CCDC178: variants seen among roughly 807,000 people sequenced by gnomAD.
The protein encoded by CCDC178 is coiled-coil domain-containing protein 178.
In CCDC178, 126 loss-of-function variants were observed where a neutral mutation model predicts 117.4. That is an observed-to-expected ratio of 1.07 (90% CI 0.93 to 1.24). The LOEUF (loss-of-function observed/expected upper bound fraction) is 1.24. CCDC178 is among the 50% of genes most tolerant of loss of function. The pLI, the probability that CCDC178 is intolerant of heterozygous loss-of-function variation, is 0.00. For missense variants in CCDC178, 1,030 were observed against 986.9 expected (o/e 1.04, Z -0.59); for synonymous variants, 283 against 313.4 (o/e 0.90, Z 1.02).
At chr18:33,344,762 G>C (rs1357690839) in intron 9 of CCDC178, among the ~76,000 whole-genome samples, 1 of 135,382 alleles carries the variant, frequency 7.4e-6, no homozygotes. Context: ...AATTTCCCAG[G>C]GTGTCTTTTC....
intron 18 of CCDC178, among the ~76,000 whole-genome samples, chr18:33,218,947 T>C (rs1420189786): frequency 1.3e-5 from 2 of 152,174 alleles, no homozygotes; most frequent in African/African-American, 2.4e-5. Context: ...TCTTTTTTGG[T>C]TCCATATGAA....
chr18:33,009,192 A>T (rs1186081416), intron 21 of CCDC178, among the ~76,000 whole-genome samples: 1 of 152,050 alleles, frequency 6.6e-6, no homozygotes, highest in Non-Finnish European at 1.5e-5. Context: ...AAAATCTCTT[A>T]TCTGGATTAT....
chr18:32,945,724 G>T (rs1044327146), intron 22 of CCDC178, among the ~76,000 whole-genome samples: 7 of 151,938 alleles, frequency 4.6e-5, no homozygotes, highest in African/African-American at 1.2e-4. Flanking sequence ...ACAAATTTGG[G>T]TTTTTTTGGA....
chr18:33,271,879 TACA>T (rs371644154), intron 12 of CCDC178, among the ~76,000 whole-genome samples: 56 of 151,648 alleles, frequency 3.7e-4, no homozygotes, highest in African/African-American at 1.3e-3. Flanking sequence ...AGAATGAATG[TACA>T]ACATATTGAA....
intron 1 of CCDC178, 142 bp downstream of exon 1, chr18:33,440,511 C>T (rs2064369589): frequency 6.6e-6 from 1 of 151,860 alleles, no homozygotes; most frequent in Admixed American, 6.6e-5. Flanking sequence ...GACTCTAACT[C>T]CCTCAGGGTG....
chr18:33,235,999 T>C (rs544336042), intron 15 of CCDC178, among the ~76,000 whole-genome samples: 5 of 152,290 alleles, frequency 3.3e-5, no homozygotes, highest in African/African-American at 1.2e-4. Flanking sequence ...TTAGAGAAAG[T>C]GCTAGACATA....
intron 21 of CCDC178, among the ~76,000 whole-genome samples, chr18:33,086,738 T>C (rs1598868105): frequency 6.6e-6 from 1 of 152,236 alleles, no homozygotes; most frequent in African/African-American, 2.4e-5. Flanking sequence ...ATATGACATG[T>C]AAATTCTGTC....
chr18:33,215,550 T>C lies in CCDC178; in HGVS notation c.2078A>G (p.Lys693Arg), dbSNP rs548726292. The C allele has an allele frequency of 3.7e-5, 50 of 1,359,962 alleles. No homozygotes were observed. The Admixed American group carries it at 1.2e-3, about 33-fold the overall frequency. 84.2% of individuals were successfully genotyped at this position (1,359,962 alleles called of 1,614,324 possible). Residue 693 changes from lysine to arginine, a missense_variant and splice_region_variant, in exon 19 of 23, where the codon AAG becomes AGG. Physicochemically the swap from Lys to Arg is conservative, Grantham distance 26 (BLOSUM62 2). Coordinates refer to ENST00000383096, the MANE Select transcript of CCDC178 (RefSeq NM_001105528.4). ...KSFDQTLEIL[K>R]NKFITMRFKR... is the part of the protein sequence containing the mutation. ...ATTTTGATAAAGTTTAAGTACTTACTTTAATATTTCAAGTGTCTGATCAAA... is the reference window on the plus strand; with the variant it reads ...ATTTTGATAAAGTTTAAGTACTTACCTTAATATTTCAAGTGTCTGATCAAA...
chr18:33,419,017 A>T (rs928250434), intron 2 of CCDC178, among the ~76,000 whole-genome samples: 2 of 151,182 alleles, frequency 1.3e-5, no homozygotes, highest in Admixed American at 6.6e-5. Context: ...CCAAAAAAAT[A>T]AAAAAATCCC....
chr18:32,961,706 C>T (rs1032890238), intron 22 of CCDC178, among the ~76,000 whole-genome samples: 1 of 152,036 alleles, frequency 6.6e-6, no homozygotes. Context: ...TAATAGGATT[C>T]GTGCTCCTAT....
chr18:33,259,992 T>G (rs908434291), intron 14 of CCDC178, among the ~76,000 whole-genome samples: 4 of 152,056 alleles, frequency 2.6e-5, no homozygotes, highest in Non-Finnish European at 5.9e-5. Context: ...AATCAGAGTA[T>G]AGTTCAATGA....
chr18:33,033,499 C>T (rs1185160274), intron 21 of CCDC178, among the ~76,000 whole-genome samples: 1 of 152,050 alleles, frequency 6.6e-6, no homozygotes, highest in East Asian at 1.9e-4. Context: ...CCTCGCCTGT[C>T]TCCTTGAGGT....
chr18:33,238,752 G>C (rs1342659600), intron 15 of CCDC178, among the ~76,000 whole-genome samples: 1 of 152,076 alleles, frequency 6.6e-6, no homozygotes, highest in Non-Finnish European at 1.5e-5. Context: ...TCATGAGAGA[G>C]AGATGGACAT....
At chr18:33,023,672 G>A (rs2056167867) in intron 21 of CCDC178, among the ~76,000 whole-genome samples, 2 of 150,638 alleles carry the variant, frequency 1.3e-5, no homozygotes, top group Non-Finnish European at 3.0e-5. Context: ...CAAGAAACTA[G>A]AAAAATAGGA....
At chr18:33,206,723 T>C (rs2144573663) in intron 20 of CCDC178, among the ~76,000 whole-genome samples, 1 of 152,314 alleles carries the variant, frequency 6.6e-6, no homozygotes, top group East Asian at 1.9e-4. Context: ...CAAGCTCCAG[T>C]AATATCTGTT....
At chr18:33,292,979 T>C (rs2062055187) in intron 12 of CCDC178, among the ~76,000 whole-genome samples, 180 bp downstream of exon 12, 1 of 152,014 alleles carries the variant, frequency 6.6e-6, no homozygotes, top group Non-Finnish European at 1.5e-5. Flanking sequence ...AATAAATGGG[T>C]CCTGTTTCAA....
chr18:32,989,873 T>A (rs1182139430), intron 21 of CCDC178, among the ~76,000 whole-genome samples: 1 of 152,136 alleles, frequency 6.6e-6, no homozygotes, highest in Non-Finnish European at 1.5e-5. Flanking sequence ...CCATTGATTA[T>A]TCATATAGAT....
intron 6 of CCDC178, among the ~76,000 whole-genome samples, chr18:33,360,200 A>G (rs930328423): frequency 6.6e-6 from 1 of 150,978 alleles, no homozygotes; most frequent in Non-Finnish European, 1.5e-5. Context: ...GAATCATCAC[A>G]TGATACAGCA....
At position 33,433,643 on chromosome 18, in the gene CCDC178, G is replaced by A. The variant is rs768376555; in HGVS notation, c.-23+6319C>T. ...AATAGAGTGAAGTTTGAACAATGTGGTTTTATTTCCCCATAATTACAGCTT... is the reference window on the plus strand; with the variant it reads ...AATAGAGTGAAGTTTGAACAATGTGATTTTATTTCCCCATAATTACAGCTT... On this transcript the variant is annotated intron_variant, in intron 2 of 22. Coordinates refer to ENST00000383096, the MANE Select transcript of CCDC178 (RefSeq NM_001105528.4). Among the ~76,000 whole-genome samples, 5 of 152,224 alleles carry A rather than the reference G, an allele frequency of 3.3e-5. No homozygotes were observed. In the South Asian group the frequency reaches 6.2e-4, roughly 19 times the overall value.
Sources: gnomAD v4.1 joint callset for allele counts (sites outside exome capture counted in the v4.1 genomes callset) on GRCh38, gnomAD v4.1.1 for gene constraint, MANE v1.5 for transcripts, NCBI Gene and HGNC (gene_info 2026-07-23, HGNC 2026-07-21) for gene names.